Variants in ZBTB7C observed in about 807,000 individuals in gnomAD.
ZBTB7C encodes the protein zinc finger and BTB domain-containing protein 7C.
ZBTB7C carries 8 observed loss-of-function variants against 25.7 expected under a neutral mutation model. The ratio of observed to expected loss-of-function variants is 0.31; its 90% CI spans 0.18 to 0.56. The LOEUF (loss-of-function observed/expected upper bound fraction) is 0.56. Ranked by LOEUF, ZBTB7C falls within the 20% of genes least tolerant of loss-of-function variation. ZBTB7C has a pLI of 0.91. For synonymous variants in ZBTB7C, 394 were observed against 369.0 expected, an observed-to-expected ratio of 1.07 and a Z score of -0.78; for missense variants, 824 against 855.2, an observed-to-expected ratio of 0.96 and a Z score of 0.46.
chr18:48,409,396 C>A (rs2048356239), upstream of ZBTB7C: 1 of 146,886 alleles, frequency 6.8e-6, no homozygotes. Context: ...AGCTGAGCGG[C>A]GGCAGCGGGC....
At chr18:48,053,766 A>G (rs541236878) in intron 3 of ZBTB7C, among the ~76,000 whole-genome samples, 1 of 152,224 alleles carries the variant, frequency 6.6e-6, no homozygotes, top group Non-Finnish European at 1.5e-5. Context: ...AAGAAGCCAC[A>G]GAAGAGTGGG....
chr18:48,290,242 TG>T (rs1281542745), intron 2 of ZBTB7C, among the ~76,000 whole-genome samples: 5 of 152,232 alleles, frequency 3.3e-5, no homozygotes. Flanking sequence ...CTGTAGCTTC[TG>T]GCTGGGGCTG....
At chr18:48,054,803 A>G (rs1437805086) in intron 3 of ZBTB7C, among the ~76,000 whole-genome samples, 1 of 152,088 alleles carries the variant, frequency 6.6e-6, no homozygotes, top group African/African-American at 2.4e-5. Context: ...TTTCCTATTT[A>G]TACCTGAGCC....
At chr18:48,370,805 T>C (rs1014331038) in intron 1 of ZBTB7C, among the ~76,000 whole-genome samples, 10 of 152,190 alleles carry the variant, frequency 6.6e-5, no homozygotes, top group African/African-American at 2.4e-4. Context: ...TGTGATTTTC[T>C]GTCTCTCTTT....
intron 3 of ZBTB7C, chr18:48,076,994 C>G (rs891721400): frequency 1.2e-5 from 12 of 984,592 alleles, no homozygotes; most frequent in Non-Finnish European, 2.4e-6. Context: ...CAAGACAGCA[C>G]CTAAGTTCCC....
At chr18:48,317,683 T>C (rs2045981793) in intron 2 of ZBTB7C, among the ~76,000 whole-genome samples, 1 of 152,160 alleles carries the variant, frequency 6.6e-6, no homozygotes, top group African/African-American at 2.4e-5. Flanking sequence ...ATGTGACATA[T>C]ACTATTACCA....
intron 3 of ZBTB7C, among the ~76,000 whole-genome samples, chr18:48,042,483 A>G (rs1276399474): frequency 3.3e-5 from 5 of 152,194 alleles, no homozygotes; most frequent in Non-Finnish European, 7.4e-5. Context: ...CAGTGGGAAG[A>G]GTTCTGGAGA....
intron 3 of ZBTB7C, among the ~76,000 whole-genome samples, chr18:48,141,177 G>A (rs1236601492): frequency 2.4e-5 from 3 of 125,610 alleles, no homozygotes; most frequent in East Asian, 4.5e-4. Flanking sequence ...CCTTCCTGCT[G>A]TGGGACTTGG....
At chr18:48,315,149 G>A (rs2045920196) in intron 2 of ZBTB7C, among the ~76,000 whole-genome samples, 1 of 152,304 alleles carries the variant, frequency 6.6e-6, no homozygotes, top group Admixed American at 6.5e-5. Flanking sequence ...GAGACACTCG[G>A]AACACAGCAA....
chr18:48,269,207 A>G (rs1598742448), intron 2 of ZBTB7C, among the ~76,000 whole-genome samples: 1 of 151,562 alleles, frequency 6.6e-6, no homozygotes, highest in African/African-American at 2.4e-5. Context: ...CAAGTGATCC[A>G]CCCATCTCAG....
chr18:48,134,078 C>T (rs1342951483), intron 3 of ZBTB7C, among the ~76,000 whole-genome samples: 2 of 147,190 alleles, frequency 1.4e-5, no homozygotes, highest in Admixed American at 1.4e-4. Context: ...ATCTTGTGAC[C>T]TCAAACCCAG....
At chr18:48,083,916 A>G (rs1371690340) in intron 3 of ZBTB7C, 2 of 985,024 alleles carry the variant, frequency 2.0e-6, no homozygotes, top group Non-Finnish European at 2.4e-6. Flanking sequence ...TGAACTTCCA[A>G]TCCTGTTGGT....
At chr18:48,151,915 G>T (rs1199118400) in intron 3 of ZBTB7C, among the ~76,000 whole-genome samples, 1 of 152,158 alleles carries the variant, frequency 6.6e-6, no homozygotes, top group African/African-American at 2.4e-5. Flanking sequence ...GTAGATATGC[G>T]GGTGGGGAAG....
At chr18:48,342,517 T>C (rs8085507) in intron 1 of ZBTB7C, among the ~76,000 whole-genome samples, 5,245 of 152,274 alleles carry the variant, frequency 0.034, 307 homozygotes, top group African/African-American at 0.12. Context: ...CCTCCAGCCT[T>C]GTTAGGGGAA....
intron 2 of ZBTB7C, among the ~76,000 whole-genome samples, chr18:48,249,149 T>C (rs1351093234): frequency 6.6e-6 from 1 of 152,232 alleles, no homozygotes; most frequent in Admixed American, 6.5e-5. Flanking sequence ...AGCTAGTAGA[T>C]TCATTCCAGA....
intron 1 of ZBTB7C, among the ~76,000 whole-genome samples, chr18:48,401,805 G>C (rs1235839500): frequency 6.6e-6 from 1 of 151,984 alleles, no homozygotes; most frequent in Non-Finnish European, 1.5e-5. Flanking sequence ...CTGTCTCCAG[G>C]GAGTTAAGTG....
intron 1 of ZBTB7C, among the ~76,000 whole-genome samples, chr18:48,391,299 C>T (rs1009961816): frequency 6.6e-6 from 1 of 152,164 alleles, no homozygotes; most frequent in South Asian, 2.1e-4. Flanking sequence ...TCTTTATTGT[C>T]CAGAACTCCA....
chr18:48,031,099 C>T (rs1013926285), intron 4 of ZBTB7C, among the ~76,000 whole-genome samples: 2 of 152,186 alleles, frequency 1.3e-5, no homozygotes, highest in African/African-American at 2.4e-5. Flanking sequence ...GTCCAGGTGT[C>T]CTCCCTAAGA....
chr18:48,295,974 G>A (rs773507448), intron 2 of ZBTB7C, among the ~76,000 whole-genome samples: 91 of 152,294 alleles, frequency 6.0e-4, no homozygotes, highest in Non-Finnish European at 9.9e-4. Flanking sequence ...CTAGGATCCC[G>A]GGCTCGGTCA....
Sources: gnomAD v4.1 joint callset for allele counts (sites outside exome capture counted in the v4.1 genomes callset) on GRCh38, gnomAD v4.1.1 for gene constraint, MANE v1.5 for transcripts, NCBI Gene and HGNC (gene_info 2026-07-23, HGNC 2026-07-21) for gene names.